Variants in FAIM2 observed in about 807,000 individuals in gnomAD.
FAIM2 encodes the protein Fas apoptotic inhibitory molecule 2.
In FAIM2, 27 loss-of-function variants were observed where a neutral mutation model predicts 47.4. The ratio of observed to expected loss-of-function variants is 0.57; its 90% CI spans 0.42 to 0.78. FAIM2 has a LOEUF of 0.78. Among genes scored for constraint, FAIM2 ranks in the 30% least tolerant of loss-of-function variants. The pLI is 0.00. For missense variants in FAIM2, 311 were observed against 389.4 expected, an observed-to-expected ratio of 0.80 and a Z score of 1.69; for synonymous variants, 156 against 159.3, an observed-to-expected ratio of 0.98 and a Z score of 0.16.
chr12:49,872,639 T>G (rs1237972294), intron 11 of FAIM2, among the ~76,000 whole-genome samples: 1 of 152,168 alleles, frequency 6.6e-6, no homozygotes, highest in Non-Finnish European at 1.5e-5. Flanking sequence ...AGGGAGCAAT[T>G]CCAGCACATG....
chr12:49,903,702 A>G, intron 1 of FAIM2, 76 bp downstream of exon 1: 1 of 1,534,676 alleles, frequency 6.5e-7, no homozygotes, highest in Non-Finnish European at 8.8e-7. Flanking sequence ...TTCGTGGTCC[A>G]GAGGGCTTGC....
chr12:49,887,946 G>A (rs959053912), intron 10 of FAIM2, among the ~76,000 whole-genome samples: 1 of 152,138 alleles, frequency 6.6e-6, no homozygotes, highest in Non-Finnish European at 1.5e-5. Context: ...TGTGCATGGT[G>A]GAGGAACAGC....
At chr12:49,884,416 G>A (rs1199162628) in intron 11 of FAIM2, among the ~76,000 whole-genome samples, 1 of 152,128 alleles carries the variant, frequency 6.6e-6, no homozygotes, top group Non-Finnish European at 1.5e-5. Context: ...TGGGTCAAGA[G>A]TGTTTTGTGG....
intron 11 of FAIM2, among the ~76,000 whole-genome samples, chr12:49,877,130 C>T (rs1372492984): frequency 6.6e-6 from 1 of 152,244 alleles, no homozygotes; most frequent in Admixed American, 6.5e-5. Context: ...TTTCTGCCCC[C>T]AGGCAGGTGT....
intron 1 of FAIM2, chr12:49,902,277 G>C (rs925994005): frequency 1.3e-5 from 2 of 152,306 alleles, no homozygotes; most frequent in African/African-American, 2.4e-5. Context: ...TGGGGTGGAG[G>C]GGGTGGTGTG....
At chr12:49,883,317 G>A (rs1473333738) in intron 11 of FAIM2, among the ~76,000 whole-genome samples, 1 of 152,136 alleles carries the variant, frequency 6.6e-6, no homozygotes, top group Non-Finnish European at 1.5e-5. Context: ...GGCTGGGACA[G>A]GGAGTAGCCA....
At chr12:49,894,649 C>T (rs908543099) in intron 5 of FAIM2, among the ~76,000 whole-genome samples, 13 of 152,198 alleles carry the variant, frequency 8.5e-5, no homozygotes, top group Non-Finnish European at 1.8e-4. Flanking sequence ...TGCAGGCCAG[C>T]ATCCAAACAC....
At chr12:49,897,404 G>A in intron 4 of FAIM2, 115 bp downstream of exon 4, 1 of 982,018 alleles carries the variant, frequency 1.0e-6, no homozygotes, top group African/African-American at 1.6e-5. Context: ...GAGGCCCACT[G>A]CCCCACAGGC....
chr12:49,891,908 G>A (rs1946902670), intron 5 of FAIM2, among the ~76,000 whole-genome samples: 1 of 152,136 alleles, frequency 6.6e-6, no homozygotes, highest in African/African-American at 2.4e-5. Flanking sequence ...TCCAGGAGGT[G>A]GGAGATGATG....
chr12:49,882,582 C>G (rs758222775), intron 11 of FAIM2, among the ~76,000 whole-genome samples: 1 of 152,174 alleles, frequency 6.6e-6, no homozygotes. Context: ...AGGATGATCC[C>G]GACCAGGGCC....
chr12:49,871,472 C>A (rs2137077281), intron 11 of FAIM2, among the ~76,000 whole-genome samples: 1 of 152,216 alleles, frequency 6.6e-6, no homozygotes, highest in East Asian at 1.9e-4. Context: ...CCACTGTATA[C>A]AGTGGCTCCT....
chr12:49,875,975 C>T (rs368764093), intron 11 of FAIM2, among the ~76,000 whole-genome samples: 191 of 151,298 alleles, frequency 1.3e-3, no homozygotes, highest in African/African-American at 4.1e-3. Context: ...GACTCCATCT[C>T]AAAAAAAAGG....
rs12427024 is a variant in FAIM2, at chr12:49,903,195, G to C, written c.15+583C>G. 0.024 allele frequency among the ~76,000 whole-genome samples: 3,716 copies of C among 152,300 alleles called. 420 individuals are homozygous for C. In the East Asian group the frequency reaches 0.37, roughly 15 times the overall value. On this transcript the variant is annotated intron_variant, in intron 1 of 11. Coordinates refer to ENST00000320634, the MANE Select transcript of FAIM2 (RefSeq NM_012306.4). ...AACTGGAGAAGAGATGCTTCATCCGGACCCATCCATGCCTGGCCAAAACCA... is the reference window on the plus strand; with the variant it reads ...AACTGGAGAAGAGATGCTTCATCCGCACCCATCCATGCCTGGCCAAAACCA...
intron 11 of FAIM2, 110 bp downstream of exon 11, chr12:49,887,276 C>T: frequency 3.1e-6 from 3 of 977,690 alleles, no homozygotes; most frequent in Non-Finnish European, 1.6e-6. Context: ...CCCGCAGGTG[C>T]TCCCGAGGAT....
intron 9 of FAIM2, 42 bp from the exon 10 acceptor site, chr12:49,889,244 C>T: frequency 6.6e-7 from 1 of 1,505,390 alleles, no homozygotes; most frequent in Non-Finnish European, 9.1e-7. Flanking sequence ...GCGGCCTGAC[C>T]TTCCTGGGGC....
At position 49,898,013 on chromosome 12, in the gene FAIM2, T is replaced by C. The variant is rs1342572937; in HGVS notation, c.289A>G (p.Lys97Glu). ...TTTCTGACAAAGACTCGACGAACTT[T>C]CTGGTCATCCCAGCTGAAAGTGGTG... ...LFTTFSWDDQ[K>E]VRRVFVRKVY... The change falls in exon 3 of 12, where the codon AAA becomes GAA. Residue 97 changes from lysine (K) to glutamate (E), a missense_variant. Physicochemically the swap from Lys to Glu is moderately conservative, Grantham distance 56. Transcript: ENST00000320634. 1.2e-6 allele frequency: 2 copies of C among 1,613,986 alleles called. No individual in the cohort carries two copies. Among genetic ancestry groups the C allele is most frequent in the Non-Finnish European group, 8.5e-7 (1 of 1,179,924 alleles).
chr12:49,878,486 ATATG>A (rs1489226853), intron 11 of FAIM2, among the ~76,000 whole-genome samples: 5 of 120,738 alleles, frequency 4.1e-5, no homozygotes, highest in African/African-American at 1.3e-4. Context: ...GCATGTGTGT[ATATG>A]TATGTGCATG....
intron 5 of FAIM2, among the ~76,000 whole-genome samples, chr12:49,893,244 T>C (rs2137101679): frequency 6.6e-6 from 1 of 150,406 alleles, no homozygotes; most frequent in Non-Finnish European, 1.5e-5. Context: ...AGCCCTTCTC[T>C]CACTGCACTC....
At chr12:49,889,297 G>A (rs1449146460) in intron 9 of FAIM2, 95 bp from the exon 10 acceptor site, 2 of 1,092,030 alleles carry the variant, frequency 1.8e-6, no homozygotes, top group East Asian at 5.1e-5. Flanking sequence ...ACAGTCTTGT[G>A]CTTACCCCAA....
Sources: gnomAD v4.1 joint callset for allele counts (sites outside exome capture counted in the v4.1 genomes callset) on GRCh38, gnomAD v4.1.1 for gene constraint, MANE v1.5 for transcripts, NCBI Gene and HGNC (gene_info 2026-07-23, HGNC 2026-07-21) for gene names.